SLC35F4: variants seen among roughly 807,000 people sequenced by gnomAD.
SLC35F4 encodes the protein solute carrier family 35 member F4.
In SLC35F4, 24 loss-of-function variants were observed where a neutral mutation model predicts 44.2. The ratio of observed to expected loss-of-function variants is 0.54; its 90% CI spans 0.39 to 0.76. SLC35F4 has a LOEUF of 0.76. Ranked by LOEUF, SLC35F4 falls within the 30% of genes least tolerant of loss-of-function variation. The pLI, the probability that SLC35F4 is intolerant of heterozygous loss-of-function variation, is 0.00. For synonymous variants in SLC35F4, 238 were observed against 223.6 expected (o/e 1.06, Z -0.57); for missense variants, 562 against 586.1 (o/e 0.96, Z 0.42).
intron 1 of SLC35F4, among the ~76,000 whole-genome samples, chr14:57,923,542 A>T (rs1222757397): frequency 1.3e-5 from 2 of 152,194 alleles, no homozygotes; most frequent in Non-Finnish European, 2.9e-5. Flanking sequence ...CCCTGTCTCA[A>T]CTTTCTTGAA....
intron 1 of SLC35F4, among the ~76,000 whole-genome samples, chr14:57,902,108 T>C (rs772320108): frequency 6.6e-6 from 1 of 152,218 alleles, no homozygotes; most frequent in Non-Finnish European, 1.5e-5. Context: ...AACTGTCCCT[T>C]TGAGTGTAGA....
chr14:57,615,427 G>C (rs1259434297), intron 1 of SLC35F4, among the ~76,000 whole-genome samples: 1 of 151,492 alleles, frequency 6.6e-6, no homozygotes, highest in Non-Finnish European at 1.5e-5. Flanking sequence ...TATTTTCCAA[G>C]AGAAATTTCA....
rs937112526 is a variant in SLC35F4, at chr14:57,883,847, C to G, written n.282+98066G>C. Among the ~76,000 whole-genome samples the G allele has an allele frequency of 2.0e-5, 3 of 152,238 alleles. No homozygotes were observed. The South Asian group carries it at 6.2e-4, about 32-fold the overall frequency. On this transcript the variant is annotated intron_variant and non_coding_transcript_variant, in intron 1 of 1. Coordinates refer to the SLC35F4 transcript ENST00000556568. ...AATATAGTTTCACTTCAGCTATTCA[C>G]CTTCTAATCTTTCTAGGTCCATCTA...
At chr14:57,574,867 A>G (rs1191491712) in intron 4 of SLC35F4, among the ~76,000 whole-genome samples, 1 of 152,128 alleles carries the variant, frequency 6.6e-6, no homozygotes, top group Non-Finnish European at 1.5e-5. Flanking sequence ...TTCAGAATCA[A>G]TCAGTCATCA....
At chr14:57,767,069 A>G (rs1178286323) in intron 1 of SLC35F4, among the ~76,000 whole-genome samples, 4 of 152,200 alleles carry the variant, frequency 2.6e-5, no homozygotes, top group Non-Finnish European at 5.9e-5. Context: ...ACCAAACAAC[A>G]GAGCCTCAAT....
intron 1 of SLC35F4, among the ~76,000 whole-genome samples, chr14:57,948,619 G>T (rs1890077795): frequency 6.6e-6 from 1 of 151,950 alleles, no homozygotes; most frequent in South Asian, 2.1e-4. Flanking sequence ...CTTGAGGTGT[G>T]ACCTTAGATT....
intron 1 of SLC35F4, among the ~76,000 whole-genome samples, chr14:57,884,142 T>G (rs1418733994): frequency 6.6e-6 from 1 of 152,150 alleles, no homozygotes; most frequent in Non-Finnish European, 1.5e-5. Context: ...TTGATAATAT[T>G]GACAGATTCT....
intron 3 of SLC35F4, 21 bp downstream of exon 3, chr14:57,589,195 G>A: frequency 6.3e-7 from 1 of 1,579,990 alleles, no homozygotes; most frequent in Non-Finnish European, 8.6e-7. Flanking sequence ...TCTCTTATTG[G>A]GCAGTTAACA....
At chr14:57,648,414 A>G (rs2073637108) in intron 1 of SLC35F4, among the ~76,000 whole-genome samples, 1 of 152,220 alleles carries the variant, frequency 6.6e-6, no homozygotes, top group Non-Finnish European at 1.5e-5. Context: ...AGCAATTTCA[A>G]ATAAACATAA....
chr14:57,667,412 C>T (rs911677875), intron 1 of SLC35F4, among the ~76,000 whole-genome samples: 9 of 151,092 alleles, frequency 6.0e-5, no homozygotes, highest in Non-Finnish European at 1.2e-4. Flanking sequence ...TATACATGTG[C>T]CATGTTGGTG....
intron 1 of SLC35F4, among the ~76,000 whole-genome samples, chr14:57,786,938 A>G (rs745727768): frequency 1.3e-5 from 2 of 152,220 alleles, no homozygotes; most frequent in Admixed American, 6.5e-5. Flanking sequence ...CTGAAGAAGA[A>G]TTCAGGAGGT....
chr14:57,620,127 T>C lies in SLC35F4; in HGVS notation c.104-26003A>G, dbSNP rs148308454. Reference sequence around the variant, plus strand: ...AGTTGGAAAACACTCTTCAGGATATTTTCCAGGAGAACTTCCCCAACCTAG... The same window carrying C: ...AGTTGGAAAACACTCTTCAGGATATCTTCCAGGAGAACTTCCCCAACCTAG... On this transcript the variant is annotated intron_variant, in intron 1 of 7. Coordinates refer to ENST00000556826, the MANE Select transcript of SLC35F4 (RefSeq NM_001306087.2). Among the ~76,000 whole-genome samples the C allele has an allele frequency of 1.4e-3, 216 of 152,250 alleles. 1 individual carries two copies. Among genetic ancestry groups the C allele is most frequent in the African/African-American group, 5.1e-3 (212 of 41,548 alleles).
At chr14:57,882,000 T>G (rs898784632) in intron 1 of SLC35F4, among the ~76,000 whole-genome samples, 2 of 152,192 alleles carry the variant, frequency 1.3e-5, no homozygotes, top group Non-Finnish European at 2.9e-5. Flanking sequence ...CTCTTGGCTC[T>G]TGCTGGGTCT....
chr14:57,718,583 C>T (rs111239030), intron 1 of SLC35F4, among the ~76,000 whole-genome samples: 2,186 of 152,258 alleles, frequency 0.014, 25 homozygotes, highest in Non-Finnish European at 0.021. Context: ...TTGCATTTCT[C>T]TGATGATCAA....
intron 1 of SLC35F4, among the ~76,000 whole-genome samples, chr14:57,738,589 A>G (rs2076523147): frequency 6.6e-6 from 1 of 151,764 alleles, no homozygotes; most frequent in Non-Finnish European, 1.5e-5. Context: ...TGTTTAAGGG[A>G]AAAAAATGAA....
intron 1 of SLC35F4, among the ~76,000 whole-genome samples, chr14:57,813,174 G>T (rs1236140439): frequency 6.6e-6 from 1 of 152,184 alleles, no homozygotes; most frequent in Non-Finnish European, 1.5e-5. Flanking sequence ...CACCAATTAT[G>T]CAGTAGAACC....
At chr14:57,638,290 C>T (rs2073091586) in intron 1 of SLC35F4, among the ~76,000 whole-genome samples, 2 of 152,126 alleles carry the variant, frequency 1.3e-5, no homozygotes, top group African/African-American at 4.8e-5. Context: ...GGCTGGTTTA[C>T]AGAGGCTGCA....
chr14:57,837,052 T>C (rs781491007), intron 1 of SLC35F4, among the ~76,000 whole-genome samples: 11 of 152,352 alleles, frequency 7.2e-5, no homozygotes, highest in Admixed American at 5.9e-4. Context: ...AAGGCTCTTC[T>C]CCTTACTAAA....
chr14:57,881,700 A>G (rs992662962), intron 1 of SLC35F4, among the ~76,000 whole-genome samples: 1 of 152,218 alleles, frequency 6.6e-6, no homozygotes, highest in African/African-American at 2.4e-5. Flanking sequence ...ACACTGCAAC[A>G]CAGTCATGCA....
Sources: allele counts gnomAD v4.1 joint callset (sites outside exome capture counted in the v4.1 genomes callset), GRCh38; gene constraint gnomAD v4.1.1; transcripts MANE v1.5; gene names NCBI Gene and HGNC (gene_info 2026-07-23, HGNC 2026-07-21).